The following ST8SIA5 variants were observed in gnomAD, a reference collection of about 807,000 sequenced individuals.
ST8SIA5 encodes ST8 alpha-N-acetyl-neuraminide alpha-2,8-sialyltransferase 5.
Under a neutral mutation model 40.2 loss-of-function variants are expected in ST8SIA5, and 24 were observed. That is an observed-to-expected ratio of 0.60 (90% confidence interval 0.43 to 0.84). ST8SIA5 has a LOEUF of 0.84. Ranked by LOEUF, ST8SIA5 falls within the 40% of genes least tolerant of loss-of-function variation. The probability of loss-of-function intolerance (pLI) is 0.00; values close to 1 mark genes in which losing one functional copy is unlikely to be tolerated. For missense variants in ST8SIA5, 465 were observed against 498.5 expected (o/e 0.93, Z 0.64); for synonymous variants, 198 against 201.8 (o/e 0.98, Z 0.16).
In ST8SIA5 at chr18:46,680,300, G is replaced by C. The variant is rs1254526449; in HGVS notation, c.873C>G (p.Ser291Arg). Residue 291 changes from serine (S) to arginine (R), a missense_variant, in exon 7 of 7, where the codon AGC becomes AGG. Physicochemically the swap from Ser to Arg is moderately radical, Grantham distance 110. Transcript: ENST00000315087. ...YLVNVSRYWL[S>R]LGVRAKRIST... is the part of the protein sequence containing the mutation. ...TGATGCGCTTGGCGCGCACCCCCAG[G>C]CTGAGCCAGTAGCGCGACACGTTGA... The C allele has an allele frequency of 6.2e-7, 1 of 1,614,232 alleles. No individual in the cohort carries two copies. The highest frequency in any genetic ancestry group is 2.2e-5 in the East Asian group (1 of 44,882).
intron 1 of ST8SIA5, among the ~76,000 whole-genome samples, chr18:46,707,071 A>G (rs1213464323): frequency 2.0e-5 from 3 of 152,196 alleles, no homozygotes; most frequent in Non-Finnish European, 4.4e-5. Flanking sequence ...CCACAAAACG[A>G]GCCCATGACC....
At chr18:46,685,135 G>A (rs769236711) in intron 5 of ST8SIA5, among the ~76,000 whole-genome samples, 26 of 152,208 alleles carry the variant, frequency 1.7e-4, no homozygotes, top group Non-Finnish European at 3.5e-4. Context: ...AGGAAACCAA[G>A]GCCCAGAAGG....
chr18:46,692,147 A>C (rs1333980549), intron 3 of ST8SIA5, 22 bp downstream of exon 3: 1 of 1,612,742 alleles, frequency 6.2e-7, no homozygotes, highest in Non-Finnish European at 8.5e-7. Flanking sequence ...AGGAGAAGGG[A>C]GGACAGACGA....
chr18:46,751,361 GATTT>G (rs35587275), intron 1 of ST8SIA5, among the ~76,000 whole-genome samples: 50,902 of 150,780 alleles, frequency 0.34, 8,961 homozygotes, highest in African/African-American at 0.44. Flanking sequence ...AAGTAGAATG[GATTT>G]ATTTATTTAT....
intron 2 of ST8SIA5, 23 bp from the exon 3 acceptor site, chr18:46,692,278 G>A (rs1224258018): frequency 6.2e-7 from 1 of 1,610,910 alleles, no homozygotes; most frequent in South Asian, 1.1e-5. Flanking sequence ...GGACAGAAGA[G>A]TACATGAGCA....
In ST8SIA5 at chr18:46,706,695, G is replaced by T. The variant is rs756372913; in HGVS notation, c.132-2031C>A. Among the ~76,000 whole-genome samples, 2 of 152,168 alleles carry T rather than the reference G, an allele frequency of 1.3e-5. 1 individual carries two copies. Among genetic ancestry groups the T allele is most frequent in the Non-Finnish European group, 2.9e-5 (2 of 68,020 alleles). On this transcript the variant is annotated intron_variant, in intron 1 of 6. Coordinates refer to ENST00000315087, the MANE Select transcript of ST8SIA5 (RefSeq NM_013305.6). The stretch of plus-strand genomic sequence containing the variant: ...TGACATTTCCCAGACTCCTTTGCAG[G>T]TAGGGTTCTGGATGCAATTTAGGTT...
chr18:46,710,417 TTTTCTTTCTC>T (rs2039717782), intron 1 of ST8SIA5, among the ~76,000 whole-genome samples: 2 of 90,386 alleles, frequency 2.2e-5, no homozygotes, highest in South Asian at 3.3e-4. Context: ...CTTTCTTTCT[TTTTCTTTCTC>T]TCTCTTTCTT....
At chr18:46,693,177 C>T (rs1489819249) in intron 2 of ST8SIA5, among the ~76,000 whole-genome samples, 1 of 152,012 alleles carries the variant, frequency 6.6e-6, no homozygotes, top group African/African-American at 2.4e-5. Context: ...CTGATTAAAA[C>T]AAATCCCAGA....
At chr18:46,721,366 A>G (rs2039861404) in intron 1 of ST8SIA5, 1 of 1,535,900 alleles carries the variant, frequency 6.5e-7, no homozygotes, top group African/African-American at 1.4e-5. Context: ...CTGTACCTGG[A>G]GCTGGAGTCA....
In ST8SIA5 at chr18:46,673,949, G is replaced by A. The variant is rs965691411; in HGVS notation, c.*6093C>T. The A allele has an allele frequency of 6.6e-6, 1 of 152,134 alleles. No homozygotes were observed. The highest frequency in any genetic ancestry group is 2.4e-5 in the African/African-American group (1 of 41,438). The allele number at this position is 152,134 out of a possible 1,614,324, so 9.4% of individuals were successfully genotyped here. On this transcript the variant is annotated 3_prime_UTR_variant, in exon 7 of 7. Transcript: ENST00000315087. The stretch of plus-strand genomic sequence containing the variant: ...GCTCTGGTTACAGGGAGGAGACTAG[G>A]TCAGGGCGTGTGTTGAGCTCAGAGA...
chr18:46,706,515 T>C (rs1355731752), intron 1 of ST8SIA5, among the ~76,000 whole-genome samples: 1 of 152,178 alleles, frequency 6.6e-6, no homozygotes. Context: ...TTTTAAGTAA[T>C]GGCAAAAACC....
intron 1 of ST8SIA5, among the ~76,000 whole-genome samples, chr18:46,707,300 T>C (rs147572958): frequency 2.8e-4 from 43 of 152,320 alleles, no homozygotes; most frequent in African/African-American, 8.4e-4. Context: ...TATTGGGGAA[T>C]TGGGGACTTG....
intron 1 of ST8SIA5, among the ~76,000 whole-genome samples, chr18:46,736,331 G>A (rs2040034258): frequency 6.6e-6 from 1 of 152,140 alleles, no homozygotes; most frequent in Admixed American, 6.6e-5. Context: ...CATGAATGAT[G>A]AATGAACCAA....
rs2039313233 is a variant in ST8SIA5, at chr18:46,672,259, T to C, written c.*7783A>G. The stretch of plus-strand genomic sequence containing the variant: ...GCATAGACTGCCTGCCTTAGGGTAA[T>C]GACTCCCAACCATGTGAGACAGAAC... On this transcript the variant is annotated 3_prime_UTR_variant, in exon 7 of 7. Transcript: ENST00000315087. 6.6e-6 allele frequency: 1 copy of C among 152,190 alleles called. No homozygotes were observed. Among genetic ancestry groups the C allele is most frequent in the South Asian group, 2.1e-4 (1 of 4,830 alleles). The allele number at this position is 152,190 out of a possible 1,614,324, so 9.4% of individuals were successfully genotyped here.
intron 1 of ST8SIA5, among the ~76,000 whole-genome samples, chr18:46,712,089 G>A (rs985300610): frequency 2.6e-5 from 4 of 152,142 alleles, no homozygotes; most frequent in East Asian, 1.9e-4. Flanking sequence ...TCCCCACCCC[G>A]GAGTTCTGCA....
chr18:46,751,011 T>C (rs1282591920), intron 1 of ST8SIA5, among the ~76,000 whole-genome samples: 1 of 152,198 alleles, frequency 6.6e-6, no homozygotes, highest in Non-Finnish European at 1.5e-5. Flanking sequence ...TTAACCATTT[T>C]TAAGTCTACA....
chr18:46,680,933 G>A (rs1037902122), intron 6 of ST8SIA5, among the ~76,000 whole-genome samples: 2 of 152,170 alleles, frequency 1.3e-5, no homozygotes, highest in African/African-American at 4.8e-5. Context: ...TGGCTCAGAC[G>A]CTTCCTCTCC....
At position 46,675,127 on chromosome 18, in the gene ST8SIA5, G is replaced by A. The variant is rs2039331998; in HGVS notation, c.*4915C>T. 2 of 152,224 alleles carry A rather than the reference G, an allele frequency of 1.3e-5. No homozygotes were observed. Among genetic ancestry groups the A allele is most frequent in the Non-Finnish European group, 2.9e-5 (2 of 68,054 alleles). 9.4% of individuals were successfully genotyped at this position (152,224 alleles called of 1,614,324 possible). ...GGTTGCAGGGAGGGAATGACTTAAA[G>A]GGATGTTTATGAGTTGGAATTGACA... On this transcript the variant is annotated 3_prime_UTR_variant, in exon 7 of 7. Transcript: ENST00000315087.
intron 1 of ST8SIA5, among the ~76,000 whole-genome samples, chr18:46,728,223 T>A (rs903661053): frequency 2.0e-5 from 3 of 151,708 alleles, no homozygotes; most frequent in African/African-American, 7.3e-5. Flanking sequence ...TAGAGTATTA[T>A]AAAATGAAGA....
Sources: gnomAD v4.1 joint callset for allele counts (sites outside exome capture counted in the v4.1 genomes callset) on GRCh38, gnomAD v4.1.1 for gene constraint, MANE v1.5 for transcripts, NCBI Gene and HGNC (gene_info 2026-07-23, HGNC 2026-07-21) for gene names.